NALCN: variants seen among roughly 807,000 people sequenced by gnomAD.
The protein encoded by NALCN is sodium leak channel, non-selective.
NALCN carries 111 observed loss-of-function variants against 225.3 expected under a neutral mutation model. The observed-to-expected ratio is 0.49, with a 90% confidence interval of 0.42 to 0.58. The LOEUF (loss-of-function observed/expected upper bound fraction) is 0.58. Among genes scored for constraint, NALCN ranks in the 20% least tolerant of loss-of-function variants. The pLI is 0.00. For missense variants in NALCN, 1,378 were observed against 2,202.4 expected (o/e 0.63, Z 7.49); for synonymous variants, 764 against 769.0 (o/e 0.99, Z 0.11).
At chr13:101,132,549 C>G (rs548842736) in intron 17 of NALCN, among the ~76,000 whole-genome samples, 1 of 152,164 alleles carries the variant, frequency 6.6e-6, no homozygotes, top group South Asian at 2.1e-4. Context: ...GCTCCTTGAT[C>G]TGTGCTGAGG....
intron 12 of NALCN, among the ~76,000 whole-genome samples, chr13:101,236,945 A>T (rs201215805): frequency 2.0e-5 from 2 of 100,330 alleles, no homozygotes; most frequent in African/African-American, 6.4e-5. Context: ...TAAAAAATAA[A>T]ATAATATAAA....
At chr13:101,115,472 G>A (rs1420326519) in intron 18 of NALCN, among the ~76,000 whole-genome samples, 1 of 152,144 alleles carries the variant, frequency 6.6e-6, no homozygotes, top group Non-Finnish European at 1.5e-5. Flanking sequence ...ATACTTGCAA[G>A]CCGAAATAGT....
chr13:101,187,075 T>C (rs993758478), intron 14 of NALCN, among the ~76,000 whole-genome samples: 1 of 152,184 alleles, frequency 6.6e-6, no homozygotes, highest in Admixed American at 6.5e-5. Context: ...ACTGTCTCAC[T>C]TTCTGTAGTT....
In NALCN at chr13:101,103,358, T is replaced by A; in HGVS notation, c.2890-19A>T. ...AGCTCACCTAAAGGGGAACAAATGA[T>A]CTCTGGAATTTATACAATTCATCCC... On this transcript the variant is annotated intron_variant, in intron 25 of 43. Coordinates refer to ENST00000251127, the MANE Select transcript of NALCN (RefSeq NM_052867.4). The A allele has an allele frequency of 6.3e-7, 1 of 1,592,904 alleles. No individual in the cohort carries two copies. Among genetic ancestry groups the A allele is most frequent in the Non-Finnish European group, 8.5e-7 (1 of 1,172,058 alleles).
At chr13:101,408,697 T>C (rs1041459591) in intron 1 of NALCN, among the ~76,000 whole-genome samples, 1 of 152,132 alleles carries the variant, frequency 6.6e-6, no homozygotes, top group African/African-American at 2.4e-5. Flanking sequence ...CTTCTCTCTC[T>C]CTCCTCCAAA....
chr13:101,360,094 TTTTC>T (rs971859412), intron 6 of NALCN, among the ~76,000 whole-genome samples: 35 of 139,580 alleles, frequency 2.5e-4, no homozygotes, highest in South Asian at 1.1e-3. Flanking sequence ...TCTTTCTTTC[TTTTC>T]TTTCTCTTTC....
intron 3 of NALCN, among the ~76,000 whole-genome samples, chr13:101,379,426 T>C (rs138096424): frequency 0.018 from 2,665 of 152,278 alleles, 77 homozygotes; most frequent in African/African-American, 0.06. Flanking sequence ...CGTATGTTTA[T>C]TGCAGCACTA....
chr13:101,216,585 A>C (rs1437458411), intron 13 of NALCN, among the ~76,000 whole-genome samples: 1 of 152,180 alleles, frequency 6.6e-6, no homozygotes, highest in African/African-American at 2.4e-5. Context: ...CAAAAATTAA[A>C]GATTTCAGCA....
intron 6 of NALCN, among the ~76,000 whole-genome samples, chr13:101,362,643 C>T (rs183031957): frequency 7.2e-4 from 109 of 151,994 alleles, no homozygotes; most frequent in African/African-American, 2.4e-3. Flanking sequence ...ATACCAAAGG[C>T]GGAAAAATTG....
chr13:101,293,331 T>C (rs489326), intron 7 of NALCN, among the ~76,000 whole-genome samples: 21,172 of 152,168 alleles, frequency 0.14, 1,751 homozygotes, highest in African/African-American at 0.23. Context: ...AATCACAGGG[T>C]AGGTTCTTAA....
At chr13:101,310,135 C>T (rs1166483504) in intron 7 of NALCN, among the ~76,000 whole-genome samples, 2 of 152,162 alleles carry the variant, frequency 1.3e-5, no homozygotes, top group Non-Finnish European at 2.9e-5. Context: ...TTAGGACAGT[C>T]TCTTCTGTCA....
In NALCN at chr13:101,065,423, T is replaced by A; in HGVS notation, c.4585A>T (p.Thr1529Ser). ...MERLHNGGDV[T>S]FHDVLSMLSY... ...TTGTACCTCAGGACATCATGGAAGG[T>A]GACGTCGCCGCCATTGTGGAGCCTC... Residue 1529 changes from threonine to serine, a missense_variant, in exon 40 of 44, where the codon ACC becomes TCC. Physicochemically the swap from Thr to Ser is moderately conservative, Grantham distance 58 (BLOSUM62 1). This residue lies in a region of NALCN where 94 missense variants were observed against 170.3 expected (regional missense o/e 0.55). Transcript: ENST00000251127. The A allele has an allele frequency of 6.2e-7, 1 of 1,614,132 alleles. No homozygotes were observed. Among genetic ancestry groups the A allele is most frequent in the East Asian group, 2.2e-5 (1 of 44,860 alleles).
chr13:101,406,282 T>C (rs146234549), intron 1 of NALCN, among the ~76,000 whole-genome samples: 1 of 151,970 alleles, frequency 6.6e-6, no homozygotes, highest in Non-Finnish European at 1.5e-5. Context: ...GCCAAGATCA[T>C]ACTACTGCCC....
At chr13:101,316,860 A>C (rs1229949444) in intron 7 of NALCN, among the ~76,000 whole-genome samples, 1 of 152,214 alleles carries the variant, frequency 6.6e-6, no homozygotes, top group Non-Finnish European at 1.5e-5. Flanking sequence ...TGAGAAAAAA[A>C]ATGCTTCACT....
At chr13:101,061,020 A>C (rs1555373264) in intron 41 of NALCN, among the ~76,000 whole-genome samples, 1 of 152,232 alleles carries the variant, frequency 6.6e-6, no homozygotes, top group Non-Finnish European at 1.5e-5. Context: ...AAGAGGATTG[A>C]AACAATCTCT....
chr13:101,338,939 C>CT (rs2045471054), intron 7 of NALCN, among the ~76,000 whole-genome samples: 1 of 152,240 alleles, frequency 6.6e-6, no homozygotes, highest in Non-Finnish European at 1.5e-5. Flanking sequence ...CTCACTCTGA[C>CT]TCTCAGATCC....
intron 9 of NALCN, among the ~76,000 whole-genome samples, chr13:101,290,082 A>G (rs1288747179): frequency 6.6e-6 from 1 of 152,206 alleles, no homozygotes; most frequent in Non-Finnish European, 1.5e-5. Flanking sequence ...CCACTGCTGA[A>G]TATCTAGACG....
At chr13:101,240,126 T>G (rs991790590) in intron 11 of NALCN, among the ~76,000 whole-genome samples, 1 of 152,068 alleles carries the variant, frequency 6.6e-6, no homozygotes, top group Non-Finnish European at 1.5e-5. Context: ...AACTTTGATA[T>G]TGTTAGTGCT....
At chr13:101,282,625 TAGG>T (rs913069792) in intron 10 of NALCN, among the ~76,000 whole-genome samples, 2 of 152,120 alleles carry the variant, frequency 1.3e-5, no homozygotes, top group Non-Finnish European at 2.9e-5. Flanking sequence ...TGAGATTTGC[TAGG>T]AGATTAGATC....
Sources: allele counts gnomAD v4.1 joint callset (sites outside exome capture counted in the v4.1 genomes callset), GRCh38; gene constraint gnomAD v4.1.1; regional missense constraint gnomAD v4.1.1; transcripts MANE v1.5; gene names NCBI Gene and HGNC (gene_info 2026-07-23, HGNC 2026-07-21).